Variants in CDH8 observed in about 807,000 individuals in gnomAD.
CDH8 encodes the protein cadherin 8.
In CDH8, 17 loss-of-function variants were observed where a neutral mutation model predicts 68.1. The observed-to-expected ratio is 0.25, with a 90% CI of 0.17 to 0.37. The LOEUF (loss-of-function observed/expected upper bound fraction) is 0.37. Ranked by LOEUF, CDH8 falls within the 10% of genes least tolerant of loss-of-function variation. The probability of loss-of-function intolerance (pLI) is 1.00; values close to 1 mark genes in which losing one functional copy is unlikely to be tolerated. For missense variants in CDH8, 763 were observed against 999.3 expected, an observed-to-expected ratio of 0.76 and a Z score of 3.19; for synonymous variants, 372 against 365.1, an observed-to-expected ratio of 1.02 and a Z score of -0.21.
intron 1 of CDH8, among the ~76,000 whole-genome samples, chr16:62,033,297 C>A (rs1596825982): frequency 6.6e-6 from 1 of 152,166 alleles, no homozygotes; most frequent in Admixed American, 6.5e-5. Context: ...CTACATAATA[C>A]CCAAATAAAG....
At chr16:61,900,942 G>A (rs992521437) in intron 3 of CDH8, among the ~76,000 whole-genome samples, 1 of 152,166 alleles carries the variant, frequency 6.6e-6, no homozygotes, top group Admixed American at 6.6e-5. Context: ...TCAGCTTATT[G>A]AAGTATTGTC....
chr16:61,647,972 A>T lies in CDH8; in HGVS notation c.*5636T>A, dbSNP rs1963241331. 1 of 640,016 alleles carries T rather than the reference A, an allele frequency of 1.6e-6. No individual in the cohort carries two copies. The highest frequency in any genetic ancestry group is 1.8e-5 in the South Asian group (1 of 57,060). 39.6% of individuals were successfully genotyped at this position (640,016 alleles called of 1,614,324 possible). ...TACTTGCATTCAAGATGTGAATTAG[A>T]TGGTGGCAGGTAACTCAAGTTGGGG... is the stretch of plus-strand genomic sequence containing the variant. On this transcript the variant is annotated 3_prime_UTR_variant, in exon 12 of 12. Coordinates refer to ENST00000577390, the MANE Select transcript of CDH8 (RefSeq NM_001796.5).
intron 8 of CDH8, among the ~76,000 whole-genome samples, chr16:61,730,952 G>GT (rs532375763): frequency 4.6e-5 from 7 of 151,642 alleles, no homozygotes; most frequent in African/African-American, 7.2e-5. Context: ...ACTGGTGAAA[G>GT]TTTTTTTAAA....
chr16:62,000,682 C>T (rs1180870905), intron 2 of CDH8, among the ~76,000 whole-genome samples: 2 of 152,150 alleles, frequency 1.3e-5, no homozygotes, highest in Non-Finnish European at 2.9e-5. Context: ...TAATGATATA[C>T]AGGAAAGATA....
chr16:61,703,074 C>T (rs1049405679), intron 10 of CDH8, among the ~76,000 whole-genome samples: 2 of 152,044 alleles, frequency 1.3e-5, no homozygotes, highest in African/African-American at 4.8e-5. Flanking sequence ...TTACAAAACT[C>T]CCAAATAAAA....
At chr16:61,752,384 C>T (rs1421381428) in intron 8 of CDH8, among the ~76,000 whole-genome samples, 2 of 152,142 alleles carry the variant, frequency 1.3e-5, no homozygotes, top group Admixed American at 1.3e-4. Context: ...ATGATATGGA[C>T]AGATTGCAAA....
rs1963254305 is a variant in CDH8 at position 61,648,583 on chromosome 16, C to T, written c.*5025G>A. 1 of 151,520 alleles carries T rather than the reference C, an allele frequency of 6.6e-6. No homozygotes were observed. The highest frequency in any genetic ancestry group is 2.4e-5 in the African/African-American group (1 of 41,322). The allele number at this position is 151,520 out of a possible 1,614,324, so 9.4% of individuals were successfully genotyped here. A position where few individuals can be genotyped will look rare whatever the true frequency, so the allele number is the denominator to read the frequency against. ...TAGTGTCAGATCAACCAAACTTAAA[C>T]CCAGACTCAAATAGTATTTATCCAT... On this transcript the variant is annotated 3_prime_UTR_variant, in exon 12 of 12. Transcript: ENST00000577390.
At chr16:61,972,458 A>G (rs1004642530) in intron 2 of CDH8, among the ~76,000 whole-genome samples, 1 of 152,142 alleles carries the variant, frequency 6.6e-6, no homozygotes, top group Non-Finnish European at 1.5e-5. Context: ...TGGCAGGGCC[A>G]GTGAAAAGTT....
chr16:61,666,317 G>A (rs934562824), intron 10 of CDH8, among the ~76,000 whole-genome samples: 3 of 151,848 alleles, frequency 2.0e-5, no homozygotes, highest in African/African-American at 7.3e-5. Context: ...TATTCTCTTT[G>A]TATGTTTAAT....
intron 8 of CDH8, among the ~76,000 whole-genome samples, chr16:61,749,856 T>C (rs1301163478): frequency 6.6e-6 from 1 of 152,094 alleles, no homozygotes; most frequent in Non-Finnish European, 1.5e-5. Flanking sequence ...GTAAACTATT[T>C]TTAAAGGAAC....
intron 7 of CDH8, among the ~76,000 whole-genome samples, chr16:61,808,824 G>A (rs1372926189): frequency 6.6e-6 from 1 of 152,114 alleles, no homozygotes; most frequent in East Asian, 1.9e-4. Flanking sequence ...AGTCCACAGT[G>A]TTCCCAGCAC....
At chr16:61,768,196 C>A (rs368790712) in intron 8 of CDH8, among the ~76,000 whole-genome samples, 4 of 151,674 alleles carry the variant, frequency 2.6e-5, no homozygotes, top group African/African-American at 9.7e-5. Context: ...GGAGTTAAAG[C>A]CATGAGGTTA....
intron 1 of CDH8, among the ~76,000 whole-genome samples, chr16:62,023,616 A>T (rs1411446455): frequency 2.6e-5 from 4 of 152,182 alleles, no homozygotes; most frequent in African/African-American, 9.6e-5. Context: ...AACAAAAAAA[A>T]TGAATGAGCA....
At chr16:61,852,703 T>C (rs1962960894) in intron 4 of CDH8, among the ~76,000 whole-genome samples, 1 of 152,126 alleles carries the variant, frequency 6.6e-6, no homozygotes, top group African/African-American at 2.4e-5. Flanking sequence ...CTTTATTCCC[T>C]AGATGTTTCC....
intron 2 of CDH8, among the ~76,000 whole-genome samples, chr16:61,930,400 T>C (rs1567533140): frequency 6.6e-6 from 1 of 152,276 alleles, no homozygotes; most frequent in African/African-American, 2.4e-5. Context: ...GAACTGTTGC[T>C]AGGATGCACC....
At chr16:62,015,167 C>A (rs964076158) in intron 2 of CDH8, among the ~76,000 whole-genome samples, 2 of 152,034 alleles carry the variant, frequency 1.3e-5, no homozygotes, top group Non-Finnish European at 2.9e-5. Flanking sequence ...ACAGTCAAAG[C>A]TTTGTTACAT....
chr16:61,836,271 T>A (rs1962566489), intron 4 of CDH8, among the ~76,000 whole-genome samples: 1 of 151,950 alleles, frequency 6.6e-6, no homozygotes. Context: ...TATGACACAG[T>A]GGGTTGGATT....
intron 4 of CDH8, among the ~76,000 whole-genome samples, chr16:61,839,017 A>G (rs762192115): frequency 6.6e-6 from 1 of 152,148 alleles, no homozygotes; most frequent in Non-Finnish European, 1.5e-5. Flanking sequence ...ACTCCAAGTC[A>G]CAGTGCTAGT....
intron 8 of CDH8, among the ~76,000 whole-genome samples, chr16:61,769,758 A>C (rs1451099207): frequency 6.6e-6 from 1 of 151,966 alleles, no homozygotes; most frequent in Non-Finnish European, 1.5e-5. Flanking sequence ...CAAACTATTC[A>C]TGTGAAAGTC....
Sources: allele counts gnomAD v4.1 joint callset (sites outside exome capture counted in the v4.1 genomes callset), GRCh38; gene constraint gnomAD v4.1.1; transcripts MANE v1.5; gene names NCBI Gene and HGNC (gene_info 2026-07-23, HGNC 2026-07-21).